LRMDA: variants seen among roughly 807,000 people sequenced by gnomAD.
LRMDA encodes the protein leucine-rich melanocyte differentiation-associated protein.
LRMDA carries 18 observed loss-of-function variants against 29.8 expected under a neutral mutation model. That is an observed-to-expected ratio of 0.60 (90% confidence interval 0.42 to 0.90). The LOEUF is 0.90. Among genes scored for constraint, LRMDA ranks in the 40% least tolerant of loss-of-function variants. LRMDA has a pLI of 0.00. For synonymous variants in LRMDA, 125 were observed against 109.4 expected (o/e 1.14, Z -0.89); for missense variants, 273 against 273.9 (o/e 1.00, Z 0.02).
At position 76,183,448 on chromosome 10, in the gene LRMDA, G is replaced by A. The variant is rs118138862; in HGVS notation, c.516+124665G>A. Among the ~76,000 whole-genome samples, 1,263 of 152,322 alleles carry A rather than the reference G, an allele frequency of 8.3e-3. 6 individuals are homozygous for A. Among genetic ancestry groups the A allele is most frequent in the Admixed American group, 0.014 (217 of 15,308 alleles). Reference sequence around the variant, plus strand: ...CCTTGTGTACTTTGCCCCATCTTTTGAGAGAAAGATCTCTCTAAATTTCAA... The same window carrying A: ...CCTTGTGTACTTTGCCCCATCTTTTAAGAGAAAGATCTCTCTAAATTTCAA... On this transcript the variant is annotated intron_variant, in intron 5 of 6. Transcript: ENST00000611255.
At chr10:75,916,889 G>A (rs1174134658) in intron 2 of LRMDA, among the ~76,000 whole-genome samples, 1 of 152,206 alleles carries the variant, frequency 6.6e-6, no homozygotes, top group Admixed American at 6.5e-5. Flanking sequence ...TGTTGTCTGT[G>A]AATCTCATTA....
At chr10:75,701,761 G>A (rs145308472) in intron 2 of LRMDA, among the ~76,000 whole-genome samples, 66 of 152,266 alleles carry the variant, frequency 4.3e-4, no homozygotes, top group Non-Finnish European at 8.5e-4. Context: ...CAGTGGTAAT[G>A]ATGGAGTAGT....
intron 2 of LRMDA, among the ~76,000 whole-genome samples, chr10:75,889,269 A>C (rs548018391): frequency 3.9e-4 from 59 of 152,368 alleles, no homozygotes; most frequent in Admixed American, 2.1e-3. Context: ...ACAGTGAGCC[A>C]GATTTTCAGG....
chr10:76,411,207 C>A (rs1841957444), intron 6 of LRMDA, among the ~76,000 whole-genome samples: 1 of 152,194 alleles, frequency 6.6e-6, no homozygotes, highest in Non-Finnish European at 1.5e-5. Flanking sequence ...GCGTCACTTG[C>A]AGGCTGAGTT....
intron 5 of LRMDA, among the ~76,000 whole-genome samples, chr10:76,316,273 C>T (rs951113027): frequency 6.6e-6 from 1 of 152,206 alleles, no homozygotes; most frequent in Non-Finnish European, 1.5e-5. Flanking sequence ...TTCCCTGGTG[C>T]CCATGGTGGA....
chr10:76,126,657 C>T (rs1324030449), intron 5 of LRMDA, among the ~76,000 whole-genome samples: 2 of 152,160 alleles, frequency 1.3e-5, no homozygotes, highest in Non-Finnish European at 2.9e-5. Context: ...TCTTGCAATA[C>T]ATTTTGTTCT....
At chr10:76,120,379 G>A (rs1040475840) in intron 5 of LRMDA, among the ~76,000 whole-genome samples, 1 of 151,926 alleles carries the variant, frequency 6.6e-6, no homozygotes, top group Non-Finnish European at 1.5e-5. Context: ...GCGGAGACAG[G>A]ATTTTGCCAT....
intron 2 of LRMDA, among the ~76,000 whole-genome samples, chr10:75,949,063 A>G (rs1211899223): frequency 4.6e-5 from 7 of 152,000 alleles, no homozygotes; most frequent in African/African-American, 9.7e-5. Flanking sequence ...AGGGAAATGC[A>G]CCAGACTCCA....
intron 6 of LRMDA, among the ~76,000 whole-genome samples, chr10:76,547,331 C>G (rs1843433067): frequency 6.6e-6 from 1 of 152,050 alleles, no homozygotes; most frequent in Admixed American, 6.6e-5. Context: ...GAAATTGAGG[C>G]AAGAAGAACC....
At chr10:76,007,044 T>TG (rs1589285868) in intron 2 of LRMDA, among the ~76,000 whole-genome samples, 1 of 111,916 alleles carries the variant, frequency 8.9e-6, no homozygotes, top group African/African-American at 3.9e-5. Context: ...GCGTGTGTGT[T>TG]TATATATTTA....
intron 2 of LRMDA, among the ~76,000 whole-genome samples, chr10:76,023,644 G>A (rs1313041205): frequency 6.6e-6 from 1 of 152,202 alleles, no homozygotes; most frequent in Non-Finnish European, 1.5e-5. Flanking sequence ...AGGCCCACAG[G>A]AGGCAAGGGT....
At chr10:75,586,357 TTTTTTTTTTTTTA>T (rs1337203629) in intron 2 of LRMDA, among the ~76,000 whole-genome samples, 7 of 133,734 alleles carry the variant, frequency 5.2e-5, no homozygotes, top group South Asian at 2.6e-4. Context: ...TTTTTTTTTT[TTTTTTTTTTTTTA>T]AATTAGAGAC....
intron 2 of LRMDA, among the ~76,000 whole-genome samples, chr10:75,861,356 A>C: frequency 6.6e-6 from 1 of 152,198 alleles, no homozygotes; most frequent in South Asian, 2.1e-4. Flanking sequence ...AAAGGTGTAA[A>C]GTTGGTCCTT....
chr10:75,884,935 G>T (rs919207042), intron 2 of LRMDA, among the ~76,000 whole-genome samples: 1 of 151,918 alleles, frequency 6.6e-6, no homozygotes, highest in African/African-American at 2.4e-5. Flanking sequence ...CAGGAGGCCT[G>T]GGGAGAACTC....
chr10:75,566,358 C>T (rs1042191783), intron 2 of LRMDA, among the ~76,000 whole-genome samples: 8 of 152,150 alleles, frequency 5.3e-5, no homozygotes, highest in Non-Finnish European at 1.2e-4. Flanking sequence ...GATCTGTGGA[C>T]CAGCAGCATG....
At chr10:76,338,223 G>A (rs1840993440) in intron 6 of LRMDA, among the ~76,000 whole-genome samples, 1 of 152,022 alleles carries the variant, frequency 6.6e-6, no homozygotes, top group Non-Finnish European at 1.5e-5. Flanking sequence ...ACCCAGCAGG[G>A]TGGCATATAC....
intron 2 of LRMDA, among the ~76,000 whole-genome samples, chr10:75,931,133 C>T (rs768393054): frequency 1.3e-5 from 2 of 152,120 alleles, no homozygotes; most frequent in Non-Finnish European, 2.9e-5. Context: ...GCTTTTTACT[C>T]TAAAAACAAG....
intron 5 of LRMDA, among the ~76,000 whole-genome samples, chr10:76,298,365 A>G (rs537263919): frequency 1.3e-5 from 2 of 152,360 alleles, no homozygotes; most frequent in East Asian, 3.9e-4. Context: ...TCCAAGCAGC[A>G]TTGGAGAGGA....
rs149322866 is a variant in LRMDA, at chr10:75,879,323, C to T, written c.132-156685C>T. Among the ~76,000 whole-genome samples, 5 of 152,336 alleles carry T rather than the reference C, an allele frequency of 3.3e-5. No individual in the cohort carries two copies. In the East Asian group the frequency reaches 7.7e-4, roughly 24 times the overall value. On this transcript the variant is annotated intron_variant, in intron 2 of 6. Coordinates refer to ENST00000611255, the MANE Select transcript of LRMDA (RefSeq NM_001305581.2). ...CAGAATTTTGCTTCCATTAGCCCTG[C>T]GTACCTTTGCCCTTAGAAACTCTCT...
Sources: gnomAD v4.1 joint callset for allele counts (sites outside exome capture counted in the v4.1 genomes callset) on GRCh38, gnomAD v4.1.1 for gene constraint, MANE v1.5 for transcripts, NCBI Gene and HGNC (gene_info 2026-07-23, HGNC 2026-07-21) for gene names.